Variants in NCAM2 observed in about 807,000 individuals in gnomAD.
The protein encoded by NCAM2 is N-CAM-2.
Under a neutral mutation model 98.1 loss-of-function variants are expected in NCAM2, and 30 were observed. The observed-to-expected ratio is 0.31, with a 90% CI of 0.23 to 0.41. NCAM2 has a LOEUF of 0.41. Ranked by LOEUF, NCAM2 falls within the 10% of genes least tolerant of loss-of-function variation. The probability of loss-of-function intolerance (pLI) is 1.00; values close to 1 mark genes in which losing one functional copy is unlikely to be tolerated. For missense variants in NCAM2, 867 were observed against 1,005.8 expected (o/e 0.86, Z 1.87); for synonymous variants, 368 against 342.4 (o/e 1.07, Z -0.83).
intron 3 of NCAM2, among the ~76,000 whole-genome samples, chr21:21,285,324 G>A (rs1392453849): frequency 6.6e-6 from 1 of 151,830 alleles, no homozygotes; most frequent in African/African-American, 2.4e-5. Context: ...GAAAAACAAA[G>A]TCGGAACATT....
chr21:21,220,484 G>C (rs965767233), intron 1 of NCAM2, among the ~76,000 whole-genome samples: 1 of 152,042 alleles, frequency 6.6e-6, no homozygotes, highest in African/African-American at 2.4e-5. Context: ...ATAGTGTCTA[G>C]GTCTGTGTAA....
chr21:21,018,673 A>G (rs184646763), intron 1 of NCAM2, among the ~76,000 whole-genome samples: 1 of 152,274 alleles, frequency 6.6e-6, no homozygotes, highest in East Asian at 1.9e-4. Context: ...TTGTGTAAAG[A>G]GCTTTTGTGA....
chr21:21,263,659 T>C (rs1051514971), intron 1 of NCAM2, among the ~76,000 whole-genome samples: 6 of 151,998 alleles, frequency 3.9e-5, no homozygotes, highest in African/African-American at 1.4e-4. Flanking sequence ...CAAAAATAGA[T>C]ACATAGATCA....
intron 1 of NCAM2, among the ~76,000 whole-genome samples, chr21:21,232,009 T>G (rs1239162781): frequency 1.3e-5 from 2 of 151,462 alleles, no homozygotes; most frequent in Non-Finnish European, 3.0e-5. Flanking sequence ...GTGTCAGTTT[T>G]TTAGCTCCTA....
intron 4 of NCAM2, among the ~76,000 whole-genome samples, chr21:21,289,218 G>C (rs376768075): frequency 7.9e-5 from 12 of 151,814 alleles, no homozygotes; most frequent in Admixed American, 2.0e-4. Context: ...TAGTATAAAA[G>C]ATTAATTCAA....
intron 6 of NCAM2, among the ~76,000 whole-genome samples, chr21:21,327,688 T>TTAAG (rs2074556665): frequency 6.6e-6 from 1 of 152,146 alleles, no homozygotes; most frequent in South Asian, 2.1e-4. Context: ...TTTTATGGGA[T>TTAAG]TAAGGCCTCA....
intron 17 of NCAM2, among the ~76,000 whole-genome samples, chr21:21,536,379 A>G (rs540096233): frequency 1.3e-5 from 2 of 150,088 alleles, no homozygotes; most frequent in Non-Finnish European, 3.0e-5. Context: ...GATGGATTGG[A>G]ATACTATTTC....
At chr21:21,061,552 T>G (rs2065322412) in intron 1 of NCAM2, among the ~76,000 whole-genome samples, 1 of 152,188 alleles carries the variant, frequency 6.6e-6, no homozygotes, top group South Asian at 2.1e-4. Context: ...AATATTTAAT[T>G]AATCTGTTCA....
intron 5 of NCAM2, among the ~76,000 whole-genome samples, chr21:21,313,956 C>T (rs531219042): frequency 1.3e-5 from 2 of 152,096 alleles, no homozygotes; most frequent in Admixed American, 6.5e-5. Context: ...TCATATAGGT[C>T]CCTACATCTT....
chr21:21,428,007 T>C (rs2077252144), intron 11 of NCAM2, among the ~76,000 whole-genome samples: 3 of 152,206 alleles, frequency 2.0e-5, no homozygotes, highest in Admixed American at 2.0e-4. Flanking sequence ...ACTACTGCGA[T>C]GTGAAAAGAT....
chr21:21,048,566 G>T (rs2065043706), intron 1 of NCAM2, among the ~76,000 whole-genome samples: 1 of 152,160 alleles, frequency 6.6e-6, no homozygotes, highest in African/African-American at 2.4e-5. Flanking sequence ...TGTTAGCCAG[G>T]TTGGCATTGA....
At chr21:21,286,132 T>G in intron 3 of NCAM2, 137 bp from the exon 4 acceptor site, 1 of 947,046 alleles carries the variant, frequency 1.1e-6, no homozygotes, top group Non-Finnish European at 1.5e-6. Context: ...TTATCTAGTT[T>G]AAGATTTTAA....
At chr21:21,482,518 C>A (rs1341665792) in intron 15 of NCAM2, among the ~76,000 whole-genome samples, 1 of 151,664 alleles carries the variant, frequency 6.6e-6, no homozygotes, top group Non-Finnish European at 1.5e-5. Flanking sequence ...AATAAGTTTT[C>A]TGGAATTTTG....
At position 21,324,516 on chromosome 21, in the gene NCAM2, C is replaced by G. The variant is rs200141197; in HGVS notation, c.737+16C>G. The G allele has an allele frequency of 3.6e-5, 55 of 1,539,716 alleles. No individual in the cohort carries two copies. Among genetic ancestry groups the G allele is most frequent in the Admixed American group, 2.7e-4 (16 of 59,634 alleles). ...CCTGGTTCAGGTAGGTTATGCACCC[C>G]CCTCCCTCTGGCTTGTGTCCATTAT... On this transcript the variant is annotated intron_variant, in intron 6 of 17. Transcript: ENST00000400546.
At chr21:21,125,254 G>C (rs562298990) in intron 1 of NCAM2, among the ~76,000 whole-genome samples, 5 of 145,384 alleles carry the variant, frequency 3.4e-5, no homozygotes, top group African/African-American at 5.0e-5. Flanking sequence ...TCATTTCTTC[G>C]TAAAGAATAT....
At chr21:21,495,559 G>T (rs149463413) in intron 15 of NCAM2, among the ~76,000 whole-genome samples, 37 of 152,104 alleles carry the variant, frequency 2.4e-4, no homozygotes, top group African/African-American at 8.4e-4. Flanking sequence ...TTTTGGTGCT[G>T]TTTGTCAATT....
intron 12 of NCAM2, among the ~76,000 whole-genome samples, chr21:21,439,511 T>C (rs1471459582): frequency 6.6e-6 from 1 of 152,210 alleles, no homozygotes; most frequent in African/African-American, 2.4e-5. Context: ...CTTATTTCAG[T>C]TTGGTAGAAA....
At chr21:21,062,057 A>G (rs1180465684) in intron 1 of NCAM2, among the ~76,000 whole-genome samples, 1 of 152,188 alleles carries the variant, frequency 6.6e-6, no homozygotes, top group South Asian at 2.1e-4. Flanking sequence ...AAAGGGAGGT[A>G]TCACTCCTAT....
rs556424773 is a variant in NCAM2, at chr21:21,418,527, C to G, written c.1438C>G (p.His480Asp). Residue 480 changes from histidine to aspartate, a missense_variant, in exon 11 of 18, where the codon CAT becomes GAT. Transcript: ENST00000400546. ...FGRYNCTATN[H>D]IGTRFQEYIL... ...ACGCTATAATTGCACAGCCACTAAT[C>G]ATATAGGAACAAGATTTCAAGAATA... The G allele has an allele frequency of 1.9e-6, 3 of 1,612,274 alleles. No homozygotes were observed. Among genetic ancestry groups the G allele is most frequent in the South Asian group, 2.2e-5 (2 of 91,028 alleles).
Sources: gnomAD v4.1 joint callset for allele counts (sites outside exome capture counted in the v4.1 genomes callset) on GRCh38, gnomAD v4.1.1 for gene constraint, MANE v1.5 for transcripts, NCBI Gene and HGNC (gene_info 2026-07-23, HGNC 2026-07-21) for gene names.